Variants in IQGAP2 observed in about 807,000 individuals in gnomAD.
The protein encoded by IQGAP2 is IQ motif containing GTPase activating protein 2.
IQGAP2 carries 173 observed loss-of-function variants against 201.3 expected under a neutral mutation model. That is an observed-to-expected ratio of 0.86 (90% confidence interval 0.76 to 0.98). The LOEUF is 0.98. Among genes scored for constraint, IQGAP2 ranks in the 50% least tolerant of loss-of-function variants. IQGAP2 has a pLI of 0.00. For synonymous variants in IQGAP2, 675 were observed against 673.9 expected, an observed-to-expected ratio of 1.00 and a Z score of -0.03; for missense variants, 1,687 against 1,864.8, an observed-to-expected ratio of 0.90 and a Z score of 1.76.
rs116664459 is a variant in IQGAP2, at chr5:76,549,002, G to A, written c.147-13394G>A. 7.3e-3 allele frequency among the ~76,000 whole-genome samples: 1,108 copies of A among 152,204 alleles called. 16 individuals are homozygous for A. The highest frequency in any genetic ancestry group is 0.025 in the African/African-American group (1,018 of 41,496). Reference sequence around the variant, plus strand: ...GTCAAAATGCTGGCATACTTCCTGCGCAAGGAAGTCTGTATGGCTAAACAG... The same window carrying A: ...GTCAAAATGCTGGCATACTTCCTGCACAAGGAAGTCTGTATGGCTAAACAG... On this transcript the variant is annotated intron_variant, in intron 2 of 35. Transcript: ENST00000274364.
intron 16 of IQGAP2, among the ~76,000 whole-genome samples, chr5:76,638,291 A>C (rs1436442065): frequency 6.6e-6 from 1 of 152,180 alleles, no homozygotes; most frequent in African/African-American, 2.4e-5. Context: ...CATCAGGAGA[A>C]TTGCTTGAAC....
chr5:76,601,366 G>C (rs912585529), intron 11 of IQGAP2, among the ~76,000 whole-genome samples: 1 of 152,130 alleles, frequency 6.6e-6, no homozygotes, highest in Non-Finnish European at 1.5e-5. Flanking sequence ...ACAGAATCCG[G>C]GTTATGGACC....
intron 2 of IQGAP2, among the ~76,000 whole-genome samples, chr5:76,519,047 C>CT (rs988459183): frequency 2.6e-5 from 4 of 152,140 alleles, no homozygotes; most frequent in African/African-American, 9.7e-5. Context: ...TGTTTCAAAT[C>CT]TTTTTCCATC....
intron 13 of IQGAP2, chr5:76,616,976 A>G (rs1457094773): frequency 6.6e-6 from 1 of 152,450 alleles, no homozygotes; most frequent in Non-Finnish European, 1.5e-5. Flanking sequence ...GAGACCAAAG[A>G]ATAAAAAATG....
chr5:76,499,981 A>T (rs1424046592), intron 2 of IQGAP2, among the ~76,000 whole-genome samples: 1 of 152,028 alleles, frequency 6.6e-6, no homozygotes, highest in Non-Finnish European at 1.5e-5. Flanking sequence ...GGTGGCATGC[A>T]CTTGTAGTCC....
intron 23 of IQGAP2, among the ~76,000 whole-genome samples, chr5:76,670,207 A>G (rs1744181224): frequency 6.6e-6 from 1 of 152,116 alleles, no homozygotes; most frequent in Admixed American, 6.5e-5. Flanking sequence ...AGCACCTACA[A>G]TTAGTCAAAA....
chr5:76,557,099 C>G (rs77234863), intron 2 of IQGAP2, among the ~76,000 whole-genome samples: 2,493 of 152,314 alleles, frequency 0.016, 92 homozygotes, highest in African/African-American at 0.057. Flanking sequence ...TACCGCTACT[C>G]TGGAAGCAGC....
chr5:76,431,287 T>C (rs992314696), intron 1 of IQGAP2, among the ~76,000 whole-genome samples: 2 of 151,908 alleles, frequency 1.3e-5, no homozygotes, highest in African/African-American at 4.8e-5. Flanking sequence ...ATTTTAACTT[T>C]TAAAATACAT....
chr5:76,509,303 T>A (rs778013603), intron 2 of IQGAP2, among the ~76,000 whole-genome samples: 18 of 152,116 alleles, frequency 1.2e-4, no homozygotes, highest in Non-Finnish European at 2.2e-4. Context: ...ATGTTTATGA[T>A]CGTATTGTTG....
At chr5:76,431,691 C>G (rs574682840) in intron 1 of IQGAP2, among the ~76,000 whole-genome samples, 1 of 151,958 alleles carries the variant, frequency 6.6e-6, no homozygotes, top group East Asian at 1.9e-4. Context: ...AGCGTGGTAG[C>G]GCTTGCCTGT....
intron 2 of IQGAP2, among the ~76,000 whole-genome samples, chr5:76,486,520 G>T (rs114809695): frequency 6.6e-6 from 1 of 152,074 alleles, no homozygotes; most frequent in Admixed American, 6.5e-5. Flanking sequence ...CCTTAAGCAC[G>T]GTTATCAACC....
intron 2 of IQGAP2, among the ~76,000 whole-genome samples, chr5:76,503,668 T>C (rs925948402): frequency 2.0e-5 from 3 of 152,072 alleles, no homozygotes; most frequent in Non-Finnish European, 4.4e-5. Context: ...CTCGGCTCAC[T>C]GCAATCTCCG....
At chr5:76,675,674 T>C (rs1744743915) in intron 27 of IQGAP2, among the ~76,000 whole-genome samples, 1 of 152,218 alleles carries the variant, frequency 6.6e-6, no homozygotes, top group African/African-American at 2.4e-5. Flanking sequence ...TTGGCCTCTT[T>C]TAATCCTCAC....
chr5:76,439,766 G>T (rs1384005469), intron 1 of IQGAP2, among the ~76,000 whole-genome samples: 2 of 152,116 alleles, frequency 1.3e-5, no homozygotes, highest in Admixed American at 1.3e-4. Flanking sequence ...GTCTTTTGAA[G>T]AAAGCAGATA....
intron 5 of IQGAP2, among the ~76,000 whole-genome samples, chr5:76,576,620 C>T (rs558626446): frequency 6.6e-6 from 1 of 152,278 alleles, no homozygotes; most frequent in East Asian, 1.9e-4. Flanking sequence ...TTCTTCCTGG[C>T]TCTTTTCCTC....
chr5:76,595,762 AAAAG>A lies in IQGAP2; in HGVS notation c.908-1671_908-1668del, dbSNP rs1287835060. On this transcript the variant is annotated intron_variant, in intron 9 of 35. Transcript: ENST00000274364. Reference sequence around the variant, plus strand: ...GGCAACAGAGCAAGACTGTCTCAAAAAAAGAAAGAGAGAGAGAGAGAGAGAGAGA... The same window carrying A: ...GGCAACAGAGCAAGACTGTCTCAAAAAAAGAGAGAGAGAGAGAGAGAGAGA... Among the ~76,000 whole-genome samples the A allele has an allele frequency of 3.7e-3, 530 of 141,566 alleles. 8 individuals carry two copies. The highest frequency in any genetic ancestry group is 0.014 in the African/African-American group (497 of 35,960). 92.9% of individuals were successfully genotyped at this position (141,566 alleles called of 152,430 possible). A position where few individuals can be genotyped will look rare whatever the true frequency, so the allele number is the denominator to read the frequency against.
intron 17 of IQGAP2, among the ~76,000 whole-genome samples, chr5:76,642,927 C>G (rs113784378): frequency 6.6e-6 from 1 of 151,932 alleles, no homozygotes; most frequent in Non-Finnish European, 1.5e-5. Flanking sequence ...TGGGAGGTGC[C>G]CAGGTCAATA....
intron 2 of IQGAP2, among the ~76,000 whole-genome samples, chr5:76,513,963 T>C (rs36184107): frequency 0.2 from 30,821 of 151,114 alleles, 3,836 homozygotes; most frequent in African/African-American, 0.35. Context: ...TGTACTTTTC[T>C]TTTAATTTTC....
intron 5 of IQGAP2, among the ~76,000 whole-genome samples, chr5:76,582,960 A>G (rs1745979466): frequency 6.6e-6 from 1 of 152,202 alleles, no homozygotes; most frequent in Admixed American, 6.5e-5. Context: ...GGCCTCACTC[A>G]GCTGCACAGG....
Sources: allele counts gnomAD v4.1 joint callset (sites outside exome capture counted in the v4.1 genomes callset), GRCh38; gene constraint gnomAD v4.1.1; transcripts MANE v1.5; gene names NCBI Gene and HGNC (gene_info 2026-07-23, HGNC 2026-07-21).